Variants in FOXP2 observed in about 807,000 individuals in gnomAD.
The protein encoded by FOXP2 is forkhead box P2, also known as forkhead box protein P2.
Under a neutral mutation model 115.8 loss-of-function variants are expected in FOXP2, and 12 were observed. The ratio of observed to expected loss-of-function variants is 0.10; its 90% CI spans 0.07 to 0.17. The LOEUF is 0.17. Among genes scored for constraint, FOXP2 ranks in the 10% least tolerant of loss-of-function variants. FOXP2 has a pLI of 1.00. For synonymous variants in FOXP2, 328 were observed against 297.7 expected, an observed-to-expected ratio of 1.10 and a Z score of -1.05; for missense variants, 629 against 843.5, an observed-to-expected ratio of 0.75 and a Z score of 3.15.
intron 3 of FOXP2, among the ~76,000 whole-genome samples, chr7:114,600,409 T>C (rs1299400796): frequency 1.3e-5 from 2 of 152,202 alleles, no homozygotes; most frequent in Non-Finnish European, 1.5e-5. Context: ...AGTTTGCTTA[T>C]CCATTCACCT....
chr7:114,228,134 T>C (rs1794787896), intron 1 of FOXP2, among the ~76,000 whole-genome samples: 1 of 152,020 alleles, frequency 6.6e-6, no homozygotes, highest in African/African-American at 2.4e-5. Context: ...GGTACAATAC[T>C]ATGTGGTCAT....
At chr7:114,385,879 T>A (rs1185923531) in intron 2 of FOXP2, among the ~76,000 whole-genome samples, 1 of 152,188 alleles carries the variant, frequency 6.6e-6, no homozygotes, top group East Asian at 1.9e-4. Flanking sequence ...TCGTCTTCTC[T>A]GACCTGGGGT....
At chr7:114,356,149 G>A (rs1173467741) in intron 2 of FOXP2, among the ~76,000 whole-genome samples, 1 of 152,054 alleles carries the variant, frequency 6.6e-6, no homozygotes, top group East Asian at 1.9e-4. Flanking sequence ...TTGTTGTTCT[G>A]TCATAGTAAT....
chr7:114,568,508 A>C (rs1341788589), intron 3 of FOXP2, among the ~76,000 whole-genome samples: 2 of 151,728 alleles, frequency 1.3e-5, no homozygotes, highest in East Asian at 1.9e-4. Context: ...AATTTGGGAA[A>C]TATTTGAGAT....
At chr7:114,606,446 G>T (rs1803335527) in intron 3 of FOXP2, among the ~76,000 whole-genome samples, 1 of 152,296 alleles carries the variant, frequency 6.6e-6, no homozygotes, top group South Asian at 2.1e-4. Flanking sequence ...TAAACATTTA[G>T]TGAAATTGGA....
intron 3 of FOXP2, among the ~76,000 whole-genome samples, chr7:114,564,281 A>T (rs1006290871): frequency 1.6e-4 from 25 of 151,616 alleles, no homozygotes; most frequent in Non-Finnish European, 3.4e-4. Flanking sequence ...ATGAATTCCT[A>T]CTCATTTCTT....
At chr7:114,320,239 G>A (rs1312629834) in intron 2 of FOXP2, among the ~76,000 whole-genome samples, 1 of 152,124 alleles carries the variant, frequency 6.6e-6, no homozygotes, top group Non-Finnish European at 1.5e-5. Flanking sequence ...CCAAGAATAT[G>A]TATTTATTTT....
chr7:114,571,399 G>T (rs1227722483), intron 3 of FOXP2, among the ~76,000 whole-genome samples: 1 of 151,826 alleles, frequency 6.6e-6, no homozygotes, highest in Non-Finnish European at 1.5e-5. Context: ...GTTATCCTTG[G>T]AAATGGATAG....
At chr7:114,298,456 T>C (rs1367979102) in intron 2 of FOXP2, among the ~76,000 whole-genome samples, 1 of 152,212 alleles carries the variant, frequency 6.6e-6, no homozygotes, top group African/African-American at 2.4e-5. Flanking sequence ...GTAATAACAA[T>C]AATAATACTA....
intron 1 of FOXP2, among the ~76,000 whole-genome samples, chr7:114,204,481 C>T (rs1162455937): frequency 6.6e-6 from 1 of 152,132 alleles, no homozygotes; most frequent in African/African-American, 2.4e-5. Context: ...ACTCACAGCT[C>T]TGCATCTTAT....
At chr7:114,114,730 G>C (rs1306617518) in intron 1 of FOXP2, among the ~76,000 whole-genome samples, 1 of 152,082 alleles carries the variant, frequency 6.6e-6, no homozygotes, top group Non-Finnish European at 1.5e-5. Flanking sequence ...TTGCCTTATA[G>C]TTATTGATAT....
At chr7:114,405,400 AATT>A (rs1221929487) in intron 2 of FOXP2, among the ~76,000 whole-genome samples, 2 of 151,914 alleles carry the variant, frequency 1.3e-5, no homozygotes, top group Non-Finnish European at 3.0e-5. Flanking sequence ...AATATCTATT[AATT>A]ACACACTTCC....
At chr7:114,529,291 C>T (rs776107726) in intron 2 of FOXP2, among the ~76,000 whole-genome samples, 2 of 151,756 alleles carry the variant, frequency 1.3e-5, no homozygotes, top group Non-Finnish European at 2.9e-5. Flanking sequence ...GGTTTGGAGC[C>T]ATAATGAAAT....
At chr7:114,520,148 G>C (rs1194022795) in intron 2 of FOXP2, among the ~76,000 whole-genome samples, 1 of 151,960 alleles carries the variant, frequency 6.6e-6, no homozygotes, top group Non-Finnish European at 1.5e-5. Context: ...ATTTTTAGTA[G>C]TTTTGTCTCT....
chr7:114,305,630 C>A (rs1300431029), intron 2 of FOXP2, among the ~76,000 whole-genome samples: 1 of 151,986 alleles, frequency 6.6e-6, no homozygotes, highest in Non-Finnish European at 1.5e-5. Flanking sequence ...GGAAATTGTA[C>A]GGTAAGAAGT....
At chr7:114,090,614 A>G (rs1381395387) in intron 1 of FOXP2, among the ~76,000 whole-genome samples, 1 of 151,902 alleles carries the variant, frequency 6.6e-6, no homozygotes, top group Non-Finnish European at 1.5e-5. Flanking sequence ...AAACTTTAAA[A>G]AAAACATATT....
At chr7:114,495,129 C>T (rs1191402075) in intron 2 of FOXP2, among the ~76,000 whole-genome samples, 1 of 152,148 alleles carries the variant, frequency 6.6e-6, no homozygotes, top group Admixed American at 6.6e-5. Flanking sequence ...TAAAATGTAA[C>T]AAGCCTGGAG....
intron 1 of FOXP2, among the ~76,000 whole-genome samples, chr7:114,274,682 T>G (rs1053658071): frequency 2.2e-5 from 3 of 138,010 alleles, no homozygotes; most frequent in African/African-American, 7.9e-5. Flanking sequence ...TGGCACGATC[T>G]CGGCTCAAGG....
intron 2 of FOXP2, among the ~76,000 whole-genome samples, chr7:114,525,503 A>G (rs940065131): frequency 1.3e-5 from 2 of 152,206 alleles, no homozygotes; most frequent in Non-Finnish European, 2.9e-5. Flanking sequence ...ATATTCTAAC[A>G]GCAGTTTAAA....
Sources: gnomAD v4.1 joint callset for allele counts (sites outside exome capture counted in the v4.1 genomes callset) on GRCh38, gnomAD v4.1.1 for gene constraint, MANE v1.5 for transcripts, NCBI Gene and HGNC (gene_info 2026-07-23, HGNC 2026-07-21) for gene names.